The following LCT variants were observed in gnomAD, a reference collection of about 807,000 sequenced individuals.
The protein encoded by LCT is lactase.
Under a neutral mutation model 173.0 loss-of-function variants are expected in LCT, and 90 were observed. The observed-to-expected ratio is 0.52, with a 90% CI of 0.44 to 0.62. The LOEUF is 0.62. Among genes scored for constraint, LCT ranks in the 20% least tolerant of loss-of-function variants. The probability of loss-of-function intolerance (pLI) is 0.00; values close to 1 mark genes in which losing one functional copy is unlikely to be tolerated. For synonymous variants in LCT, 853 were observed against 957.6 expected (o/e 0.89, Z 2.02); for missense variants, 1,864 against 2,431.4 (o/e 0.77, Z 4.91).
At chr2:135,793,656 G>T (rs1048179086) in intron 14 of LCT, among the ~76,000 whole-genome samples, 4 of 152,136 alleles carry the variant, frequency 2.6e-5, no homozygotes, top group African/African-American at 9.7e-5. Context: ...GAATTCAGAA[G>T]GTTGATTATT....
intron 2 of LCT, among the ~76,000 whole-genome samples, chr2:135,832,888 G>A (rs983680508): frequency 6.6e-6 from 1 of 152,048 alleles, no homozygotes; most frequent in Non-Finnish European, 1.5e-5. Flanking sequence ...AGCCAGCAGA[G>A]GCAAGTGGCT....
rs776536337 is a variant in LCT at position 135,808,636 on chromosome 2, G to A, written c.3711C>T (p.Asp1237=). ...TCATTGCCGTGGAAGGCCACGAAGG[G>A]TCCTCCTCCTCAGCCATCTCCTGGT... ...EDDQEMAEEE[D]PSWPSTAMNR... is the part of the protein sequence containing the mutation. The change falls in exon 8 of 17, where the codon GAC becomes GAT. Residue 1237 remains aspartate (D), a synonymous_variant. Transcript: ENST00000264162. 5 of 1,614,192 alleles carry A rather than the reference G, an allele frequency of 3.1e-6. No individual in the cohort carries two copies. Among genetic ancestry groups the A allele is most frequent in the Non-Finnish European group, 4.2e-6 (5 of 1,180,026 alleles).
chr2:135,795,621 A>T (rs1040826793), intron 13 of LCT, among the ~76,000 whole-genome samples: 25 of 150,478 alleles, frequency 1.7e-4, no homozygotes, highest in Admixed American at 2.7e-4. Context: ...TAATAATAAT[A>T]ATAATAATAA....
rs1344262133 is a variant in LCT, at chr2:135,804,799, C to A, written c.4432G>T (p.Asp1478Tyr). 1 of 1,613,240 alleles carries A rather than the reference C, an allele frequency of 6.2e-7. No homozygotes were observed. Residue 1478 changes from aspartate to tyrosine, a missense_variant, in exon 10 of 17, where the codon GAT becomes TAT. Asp to Tyr is a radical substitution (Grantham distance 160). Transcript: ENST00000264162. ...TGGATGCTGGCGGCCAGCAGTGTAT[C>A]GATGAGCCTCACGTAGTAGTTCAGG... ...AGLNYYVRLIDTLLAASIQPQ... is the reference protein window; with the variant it reads ...AGLNYYVRLIYTLLAASIQPQ...
chr2:135,833,221 T>G, intron 1 of LCT, 31 bp from the exon 2 acceptor site: 1 of 1,537,256 alleles, frequency 6.5e-7, no homozygotes, highest in South Asian at 1.1e-5. Flanking sequence ...GAACAGCAGG[T>G]GAGCGAGGGC....
rs1176956204 is a variant in LCT, at chr2:135,812,855, T to G, written c.1809A>C (p.Ser603=). 1 of 1,614,196 alleles carries G rather than the reference T, an allele frequency of 6.2e-7. No individual in the cohort carries two copies. Among genetic ancestry groups the G allele is most frequent in the South Asian group, 1.1e-5 (1 of 91,088 alleles). The change falls in exon 7 of 17, where the codon TCA becomes TCC. Residue 603 remains serine, a synonymous_variant. Transcript: ENST00000264162. The stretch of plus-strand genomic sequence containing the variant: ...CTGGAGACAGGGGTTCTGCCCAGTC[T>G]GAGTTCAGCACAATGCCCACGTGCC... The part of the protein sequence containing the change: ...QQGHVGIVLN[S]DWAEPLSPER...
chr2:135,794,545 C>A, intron 14 of LCT, 96 bp downstream of exon 14: 1 of 1,332,758 alleles, frequency 7.5e-7, no homozygotes, highest in South Asian at 1.2e-5. Context: ...CGTTGGAGGC[C>A]CTGTTTTGAG....
intron 2 of LCT, among the ~76,000 whole-genome samples, chr2:135,832,384 C>A (rs2077947664): frequency 6.6e-6 from 1 of 151,502 alleles, no homozygotes; most frequent in African/African-American, 2.4e-5. Context: ...CATGCCACTG[C>A]ACTCTGGCCT....
chr2:135,809,728 T>G lies in LCT; in HGVS notation c.2619A>C (p.Pro873=), dbSNP rs1224013448. The part of the protein sequence containing the change: ...LPSKVRAFTF[P]SEVPSKAKVV... ...CTTTAGCCTTGGAGGGCACCTCAGATGGAAAAGTGAAGGCTCTGACTTTGG... is the reference window on the plus strand; with the variant it reads ...CTTTAGCCTTGGAGGGCACCTCAGAGGGAAAAGTGAAGGCTCTGACTTTGG... The change falls in exon 8 of 17, where the codon CCA becomes CCC. Residue 873 remains proline, a synonymous_variant. Transcript: ENST00000264162. This position sits in a 1 kb window ranked among gnomAD's most constrained non-coding sequence, Gnocchi z 5.5. 3 of 1,614,116 alleles carry G rather than the reference T, an allele frequency of 1.9e-6. No individual in the cohort carries two copies. Among genetic ancestry groups the G allele is most frequent in the African/African-American group, 2.7e-5 (2 of 74,944 alleles).
At chr2:135,828,945 C>G (rs1430118043) in intron 3 of LCT, among the ~76,000 whole-genome samples, 1 of 152,182 alleles carries the variant, frequency 6.6e-6, no homozygotes, top group East Asian at 1.9e-4. Flanking sequence ...AATCCCAACA[C>G]TTTGGGAGGC....
intron 2 of LCT, among the ~76,000 whole-genome samples, chr2:135,831,290 G>GCAGGAAGA (rs1161558855): frequency 6.6e-6 from 1 of 152,166 alleles, no homozygotes; most frequent in East Asian, 1.9e-4. Context: ...TTTGAGGAAG[G>GCAGGAAGA]CAGGAAGACA....
At chr2:135,829,460 C>G (rs1349918271) in intron 3 of LCT, 133 bp downstream of exon 3, 1 of 757,930 alleles carries the variant, frequency 1.3e-6, no homozygotes, top group Non-Finnish European at 2.4e-6. Flanking sequence ...GGAAATCTCC[C>G]CAGACACAAC....
intron 16 of LCT, 35 bp downstream of exon 16, chr2:135,789,536 C>G (rs2077518165): frequency 2.6e-6 from 4 of 1,524,532 alleles, no homozygotes; most frequent in Non-Finnish European, 3.6e-6. Flanking sequence ...GCCCTTCACC[C>G]TTAGGCTTTA....
chr2:135,827,739 TGGTAA>T (rs2077899326), intron 3 of LCT, among the ~76,000 whole-genome samples: 1 of 152,136 alleles, frequency 6.6e-6, no homozygotes, highest in Non-Finnish European at 1.5e-5. Context: ...GGAACTCAGG[TGGTAA>T]TGCTTGCTCG....
Position 135,823,961 on chromosome 2 carries a change from G to A in LCT, c.847C>T (p.Leu283Phe), listed in dbSNP as rs973020259. 9 of 1,614,072 alleles carry A rather than the reference G, an allele frequency of 5.6e-6. No individual in the cohort carries two copies. The highest frequency in any genetic ancestry group is 5.3e-5 in the African/African-American group (4 of 75,048). ...KVKVFIFNLK[L>F]PDCPSTMKNP... ...TTCATGGTGGAGGGGCAGTCTGGGA[G>A]TTTTAGGTTGAAGATGAAAACTTTC... is the stretch of plus-strand genomic sequence containing the variant. Residue 283 changes from leucine to phenylalanine, a missense_variant, in exon 4 of 17, where the codon CTC becomes TTC. By Grantham distance (22) the Leu-to-Phe change is conservative. Coordinates refer to ENST00000264162, the MANE Select transcript of LCT (RefSeq NM_002299.4).
At position 135,810,271 on chromosome 2, in the gene LCT, G is replaced by A. The variant is rs79023654; in HGVS notation, c.2354-278C>T. Reference sequence around the variant, plus strand: ...GTCAACTGAGATAAGTTATTACCTCGGACCAGCGAGGACTGTTTTTCAATA... The same window carrying A: ...GTCAACTGAGATAAGTTATTACCTCAGACCAGCGAGGACTGTTTTTCAATA... On this transcript the variant is annotated intron_variant, in intron 7 of 16. Coordinates refer to ENST00000264162, the MANE Select transcript of LCT (RefSeq NM_002299.4). 5,288 of 352,248 alleles carry A rather than the reference G, an allele frequency of 0.015. 357 individuals carry two copies. The East Asian group carries it at 0.17, about 11-fold the overall frequency. The allele number at this position is 352,248 out of a possible 1,614,324, so 21.8% of individuals were successfully genotyped here.
chr2:135,810,706 A>G (rs1017622082), intron 7 of LCT, among the ~76,000 whole-genome samples: 6 of 148,678 alleles, frequency 4.0e-5, no homozygotes, highest in African/African-American at 1.5e-4. Context: ...CCTGGGCAAC[A>G]TGGCCAGACT....
At chr2:135,810,099 G>A (rs945672519) in intron 7 of LCT, 106 bp from the exon 8 acceptor site, 28 of 779,104 alleles carry the variant, frequency 3.6e-5, no homozygotes, top group Non-Finnish European at 6.0e-5. Flanking sequence ...GGACTCAAGT[G>A]ATCCTCCCAA....
intron 6 of LCT, among the ~76,000 whole-genome samples, chr2:135,813,301 T>C (rs764112253): frequency 6.6e-6 from 1 of 152,154 alleles, no homozygotes; most frequent in African/African-American, 2.4e-5. Context: ...ACGATGTTGA[T>C]GTCAACAACA....
Sources: allele counts gnomAD v4.1 joint callset (sites outside exome capture counted in the v4.1 genomes callset), GRCh38; gene constraint gnomAD v4.1.1; non-coding constraint Gnocchi (gnomAD v3.1); transcripts MANE v1.5; gene names NCBI Gene and HGNC (gene_info 2026-07-23, HGNC 2026-07-21).